Variants in CDH23 observed in about 807,000 individuals in gnomAD.
The protein encoded by CDH23 is cadherin-23.
Under a neutral mutation model 317.1 loss-of-function variants are expected in CDH23, and 189 were observed. The observed-to-expected ratio is 0.60, with a 90% confidence interval of 0.53 to 0.67. The LOEUF (loss-of-function observed/expected upper bound fraction) is 0.67, where lower values mean the gene tolerates loss of function less well. Ranked by LOEUF, CDH23 falls within the 30% of genes least tolerant of loss-of-function variation. The pLI is 0.00. For missense variants in CDH23, 4,401 were observed against 4,592.4 expected, an observed-to-expected ratio of 0.96 and a Z score of 1.20; for synonymous variants, 1,839 against 1,876.8, an observed-to-expected ratio of 0.98 and a Z score of 0.52.
At chr10:71,761,794 C>G in intron 38 of CDH23, 4 of 1,614,156 alleles carry the variant, frequency 2.5e-6, no homozygotes, top group Non-Finnish European at 2.5e-6. Flanking sequence ...TGTTGGCAGC[C>G]TGGTGGCCTC....
rs768698323 is a variant in CDH23, at chr10:71,734,227, C to T, written c.4105-13C>T. Reference sequence around the variant, plus strand: ...CGATGTTGTCACTCACCCATCTGGCCCCTTCCCTGCAGGGTGTGATCACAG... The same window carrying T: ...CGATGTTGTCACTCACCCATCTGGCTCCTTCCCTGCAGGGTGTGATCACAG... On this transcript the variant is annotated splice_polypyrimidine_tract_variant and intron_variant, in intron 32 of 69. Coordinates refer to ENST00000224721, the MANE Select transcript of CDH23 (RefSeq NM_022124.6). The T allele has an allele frequency of 3.1e-6, 5 of 1,599,152 alleles. No individual in the cohort carries two copies. In the Admixed American group the frequency reaches 6.9e-5, roughly 22 times the overall value.
intron 3 of CDH23, among the ~76,000 whole-genome samples, chr10:71,459,576 C>T (rs951375903): frequency 6.6e-6 from 1 of 152,144 alleles, no homozygotes; most frequent in African/African-American, 2.4e-5. Flanking sequence ...TGGTTTGATG[C>T]GTTACTCTTC....
intron 6 of CDH23, among the ~76,000 whole-genome samples, chr10:71,553,543 A>C (rs1212566871): frequency 1.3e-5 from 2 of 152,170 alleles, no homozygotes; most frequent in African/African-American, 4.8e-5. Context: ...CCACTCCTTC[A>C]GAATGTACAC....
intron 22 of CDH23, among the ~76,000 whole-genome samples, chr10:71,696,799 G>A (rs372458297): frequency 5.3e-5 from 8 of 152,288 alleles, no homozygotes; most frequent in East Asian, 1.9e-4. Flanking sequence ...TCAAAGCCCC[G>A]TAGAGGAATT....
chr10:71,535,422 C>T (rs1855645760), intron 6 of CDH23, among the ~76,000 whole-genome samples: 1 of 152,208 alleles, frequency 6.6e-6, no homozygotes, highest in Non-Finnish European at 1.5e-5. Context: ...GAGTCAGCAC[C>T]TCCTGCATGA....
chr10:71,583,708 G>A lies in CDH23; in HGVS notation c.832+5716G>A, dbSNP rs78744816. On this transcript the variant is annotated intron_variant, in intron 9 of 69. Transcript: ENST00000224721. ...TCGTCCGCAGCTCAGGACCATCCCCGAGTGACGGGAGGAGAACCCTGTTTA... is the reference window on the plus strand; with the variant it reads ...TCGTCCGCAGCTCAGGACCATCCCCAAGTGACGGGAGGAGAACCCTGTTTA... 7.2e-4 allele frequency among the ~76,000 whole-genome samples: 109 copies of A among 152,272 alleles called. 1 individual carries two copies. The East Asian group carries it at 0.018, about 25-fold the overall frequency.
At chr10:71,589,742 A>T (rs1315616517) in intron 9 of CDH23, among the ~76,000 whole-genome samples, 3 of 152,144 alleles carry the variant, frequency 2.0e-5, no homozygotes, top group Admixed American at 2.0e-4. Context: ...CCTTCCCCCA[A>T]CCCCTGCCCT....
chr10:71,639,859 T>G (rs1164890021), intron 11 of CDH23, among the ~76,000 whole-genome samples: 1 of 152,166 alleles, frequency 6.6e-6, no homozygotes, highest in Admixed American at 6.5e-5. Context: ...CACACACCCC[T>G]ATCCTGAGGG....
chr10:71,469,787 TAG>T lies in CDH23; in HGVS notation c.145+23396_145+23397del, dbSNP rs1264619785. Reference sequence around the variant, plus strand: ...GCCCAGCTAATTTTTGTATTTTTAGTAGAGATGGGGTTTCCACATGTTGGCGA... The same window carrying T: ...GCCCAGCTAATTTTTGTATTTTTAGTAGATGGGGTTTCCACATGTTGGCGA... On this transcript the variant is annotated intron_variant, in intron 3 of 69. Coordinates refer to ENST00000224721, the MANE Select transcript of CDH23 (RefSeq NM_022124.6). Among the ~76,000 whole-genome samples, 4 of 152,240 alleles carry T rather than the reference TAG, an allele frequency of 2.6e-5. No homozygotes were observed. The East Asian group carries it at 7.7e-4, about 29-fold the overall frequency.
At chr10:71,467,303 G>A (rs1281658098) in intron 3 of CDH23, among the ~76,000 whole-genome samples, 1 of 152,198 alleles carries the variant, frequency 6.6e-6, no homozygotes, top group Non-Finnish European at 1.5e-5. Context: ...TGGTTCTCAG[G>A]CTTCCGTGTG....
At chr10:71,502,972 A>G (rs1057163238) in intron 3 of CDH23, among the ~76,000 whole-genome samples, 1 of 152,222 alleles carries the variant, frequency 6.6e-6, no homozygotes, top group African/African-American at 2.4e-5. Context: ...CAGGAGCCGC[A>G]TGACCACAAT....
chr10:71,498,703 A>C (rs1853107857), intron 3 of CDH23, among the ~76,000 whole-genome samples: 1 of 151,956 alleles, frequency 6.6e-6, no homozygotes, highest in Non-Finnish European at 1.5e-5. Flanking sequence ...AAGTAACTTG[A>C]CCTCTCTGTG....
chr10:71,724,110 G>T lies in CDH23; in HGVS notation c.3430+5G>T, dbSNP rs1191676822. On this transcript the variant is annotated splice_donor_5th_base_variant and intron_variant, in intron 29 of 69. Transcript: ENST00000224721. Reference sequence around the variant, plus strand: ...TGTGGTACCGCATCCTCCATGGTAAGTGGGGCTGCCCTAGGATGGGGGGCG... The same window carrying T: ...TGTGGTACCGCATCCTCCATGGTAATTGGGGCTGCCCTAGGATGGGGGGCG... 5.1e-6 allele frequency: 8 copies of T among 1,555,936 alleles called. No homozygotes were observed. The highest frequency in any genetic ancestry group is 7.0e-6 in the Non-Finnish European group (8 of 1,149,350).
In CDH23 at chr10:71,439,899, G is replaced by C; in HGVS notation, c.67+1G>C. The C allele has an allele frequency of 6.4e-7, 1 of 1,570,150 alleles. No individual in the cohort carries two copies. The highest frequency in any genetic ancestry group is 8.6e-7 in the Non-Finnish European group (1 of 1,156,490). ...TTGGTGCTGATCTCTGGATGCTGGGGTAAGTCCAGTCCTCCCCGTGTCTAT... is the reference window on the plus strand; with the variant it reads ...TTGGTGCTGATCTCTGGATGCTGGGCTAAGTCCAGTCCTCCCCGTGTCTAT... On this transcript the variant is annotated splice_donor_variant, in intron 2 of 69. Transcript: ENST00000224721. LOFTEE classifies it high-confidence loss of function.
chr10:71,555,427 C>A (rs193270681), intron 6 of CDH23, among the ~76,000 whole-genome samples: 3 of 152,278 alleles, frequency 2.0e-5, no homozygotes, highest in East Asian at 3.9e-4. Flanking sequence ...AGTGTTTCAG[C>A]CTATAGTGTC....
intron 3 of CDH23, among the ~76,000 whole-genome samples, chr10:71,483,877 G>T (rs1852201391): frequency 6.6e-6 from 1 of 151,946 alleles, no homozygotes; most frequent in African/African-American, 2.4e-5. Context: ...CCACACACAT[G>T]TTCACTCTCC....
chr10:71,735,412 G>A (rs1829660155), intron 34 of CDH23, among the ~76,000 whole-genome samples: 1 of 152,168 alleles, frequency 6.6e-6, no homozygotes, highest in South Asian at 2.1e-4. Flanking sequence ...GGAGAGGCAG[G>A]CAGGGGAGCT....
At chr10:71,748,871 G>T (rs1485702614) in intron 38 of CDH23, 1 of 152,760 alleles carries the variant, frequency 6.5e-6, no homozygotes, top group Non-Finnish European at 1.5e-5. Flanking sequence ...TTGTAGGCAG[G>T]GCCTGTGGCC....
chr10:71,777,953 T>C (rs1840857250), intron 39 of CDH23, 52 bp downstream of exon 39: 1 of 1,589,356 alleles, frequency 6.3e-7, no homozygotes, highest in Admixed American at 1.7e-5. Flanking sequence ...ATCCAGGGAT[T>C]GGCAAGGAGT....
Sources: allele counts gnomAD v4.1 joint callset (sites outside exome capture counted in the v4.1 genomes callset), GRCh38; gene constraint gnomAD v4.1.1; transcripts MANE v1.5; gene names NCBI Gene and HGNC (gene_info 2026-07-23, HGNC 2026-07-21).